The following GORASP1 variants were observed in gnomAD, a reference collection of about 807,000 sequenced individuals.
GORASP1 encodes the protein Golgi reassembly-stacking protein 1.
A neutral mutation model predicts 37.7 loss-of-function variants in GORASP1; 31 were observed. The ratio of observed to expected loss-of-function variants is 0.82; its 90% CI spans 0.62 to 1.11. GORASP1 has a LOEUF of 1.11. Ranked by LOEUF, GORASP1 falls within the 50% of genes least tolerant of loss-of-function variation. GORASP1 has a pLI of 0.00. For missense variants in GORASP1, 476 were observed against 560.7 expected (o/e 0.85, Z 1.53); for synonymous variants, 204 against 224.8 (o/e 0.91, Z 0.83).
At position 39,097,976 on chromosome 3, in the gene GORASP1, C is replaced by T; in HGVS notation, c.*260G>A. On this transcript the variant is annotated 3_prime_UTR_variant, in exon 9 of 9. Coordinates refer to ENST00000319283, the MANE Select transcript of GORASP1 (RefSeq NM_031899.4). Reference sequence around the variant, plus strand: ...ACAGCAACCCCTTCCTTCCTCACCTCATCTTCACACTGGATTATGACCAGA... The same window carrying T: ...ACAGCAACCCCTTCCTTCCTCACCTTATCTTCACACTGGATTATGACCAGA... The T allele has an allele frequency of 1.9e-6, 1 of 516,944 alleles. No homozygotes were observed. The highest frequency in any genetic ancestry group is 3.4e-5 in the East Asian group (1 of 29,524). The allele number at this position is 516,944 out of a possible 1,614,324, so 32.0% of individuals were successfully genotyped here.
In GORASP1 at chr3:39,105,632, A is replaced by G. The variant is rs2125710569; in HGVS notation, c.63+1847T>C. ...CTGAGGGCAGCGACTTCTCCAAAGT[A>G]TTGGGCACGCAGCGAGGTGCCAATA... On this transcript the variant is annotated intron_variant, in intron 1 of 8. Transcript: ENST00000319283. This position sits in a 1 kb window ranked among gnomAD's most constrained non-coding sequence, Gnocchi z 5.4. Among the ~76,000 whole-genome samples the G allele has an allele frequency of 6.6e-6, 1 of 152,320 alleles. No homozygotes were observed. The highest frequency in any genetic ancestry group is 6.5e-5 in the Admixed American group (1 of 15,302).
chr3:39,106,902 T>G, intron 1 of GORASP1: 1 of 303,698 alleles, frequency 3.3e-6, no homozygotes, highest in Non-Finnish European at 6.8e-6. Context: ...TCCTCGAGGA[T>G]TCTGCAGCAC....
chr3:39,107,395 T>C, intron 1 of GORASP1, 84 bp downstream of exon 1: 1 of 928,330 alleles, frequency 1.1e-6, no homozygotes, highest in Non-Finnish European at 1.4e-6. Context: ...CCCGCCGCAG[T>C]CGCCAGCCAG....
rs536814052 is a variant in GORASP1, at chr3:39,101,010, C to T, written c.435+6G>A. On this transcript the variant is annotated splice_donor_region_variant and intron_variant, in intron 4 of 8. Coordinates refer to ENST00000319283, the MANE Select transcript of GORASP1 (RefSeq NM_031899.4). ...TCTGGGGAGGGGCAAATTGCGGGTT[C>T]CTCACCTCCTGGAGAATCTGGTCCG... 3 of 1,614,192 alleles carry T rather than the reference C, an allele frequency of 1.9e-6. No individual in the cohort carries two copies. Among genetic ancestry groups the T allele is most frequent in the East Asian group, 4.5e-5 (2 of 44,888 alleles).
At chr3:39,106,951 T>A (rs1325427975) in intron 1 of GORASP1, 2 of 391,554 alleles carry the variant, frequency 5.1e-6, no homozygotes, top group Non-Finnish European at 1.1e-5. Context: ...CCGTGGCTGG[T>A]TTGCACCGGT....
chr3:39,099,055 C>T, intron 7 of GORASP1, 162 bp from the exon 8 acceptor site: 1 of 927,640 alleles, frequency 1.1e-6, no homozygotes. Context: ...GGTTCCCACA[C>T]TGCCTGTTTC....
In GORASP1 at chr3:39,096,686, T is replaced by C. The variant is rs2035363125; in HGVS notation, c.*1550A>G. 6.6e-6 allele frequency: 1 copy of C among 152,252 alleles called. No individual in the cohort carries two copies. The highest frequency in any genetic ancestry group is 1.5e-5 in the Non-Finnish European group (1 of 68,046). The allele number at this position is 152,252 out of a possible 1,614,324, so 9.4% of individuals were successfully genotyped here. A position where few individuals can be genotyped will look rare whatever the true frequency, so the allele number is the denominator to read the frequency against. ...AATATTTCAAAGTGTAGTACACATT[T>C]ATTTTCATTTGTTATTTTCTTTCAT... is the stretch of plus-strand genomic sequence containing the variant. On this transcript the variant is annotated 3_prime_UTR_variant, in exon 9 of 9. Coordinates refer to ENST00000319283, the MANE Select transcript of GORASP1 (RefSeq NM_031899.4).
Position 39,098,079 on chromosome 3 carries a change from T to C in GORASP1, c.*157A>G, listed in dbSNP as rs1461146367. 5 of 832,608 alleles carry C rather than the reference T, an allele frequency of 6.0e-6. No homozygotes were observed. Among genetic ancestry groups the C allele is most frequent in the African/African-American group, 1.7e-5 (1 of 58,220 alleles). The allele number at this position is 832,608 out of a possible 1,614,324, so 51.6% of individuals were successfully genotyped here. A position where few individuals can be genotyped will look rare whatever the true frequency, so the allele number is the denominator to read the frequency against. ...CCTGAGGGTACACGGCCAAAAGATA[T>C]CCTCCCACAAGGCCCATGGCCCCCT... On this transcript the variant is annotated 3_prime_UTR_variant, in exon 9 of 9. Transcript: ENST00000319283. This position sits in a 1 kb window ranked among gnomAD's most constrained non-coding sequence, Gnocchi z 4.7.
In GORASP1 at chr3:39,098,460, C is replaced by T. The variant is rs745816319; in HGVS notation, c.1099G>A (p.Glu367Lys). 35 of 1,613,998 alleles carry T rather than the reference C, an allele frequency of 2.2e-5. No individual in the cohort carries two copies. The East Asian group carries it at 3.1e-4, about 14-fold the overall frequency. The change falls in exon 9 of 9, where the codon GAG (glutamate) becomes AAG (lysine). Residue 367 changes from glutamate (E) to lysine (K), a missense_variant. Coordinates refer to ENST00000319283, the MANE Select transcript of GORASP1 (RefSeq NM_031899.4). This position sits in a 1 kb window ranked among gnomAD's most constrained non-coding sequence, Gnocchi z 4.7. The stretch of plus-strand genomic sequence containing the variant: ...CCTGGGCTGTCCAGGAAGGAGACCT[C>T]AAACTCTGACCCAGACCATGTAGCC... The part of the protein sequence containing the change: ...GEATWSGSEF[E>K]VSFLDSPGAQ...
intron 3 of GORASP1, 128 bp from the exon 4 acceptor site, chr3:39,101,230 C>T (rs1263300184): frequency 1.3e-6 from 1 of 776,782 alleles, no homozygotes; most frequent in Non-Finnish European, 2.2e-6. Flanking sequence ...AGCAGGGCTT[C>T]AAGCCCATAC....
rs1243216090 is a variant in GORASP1, at chr3:39,107,511, C to T, written c.31G>A (p.Ala11Thr). MGLGVSAEQP[A>T]GGAEGFHLHG... ...AGGTGGAAGCCCTCGGCGCCGCCTG[C>T]GGGCTGCTCAGCGCTGACGCCCAGG... is the stretch of plus-strand genomic sequence containing the variant. The change falls in exon 1 of 9, where the codon GCA becomes ACA. Residue 11 changes from alanine (A) to threonine (T), a missense_variant. By Grantham distance (58) the Ala-to-Thr change is moderately conservative. Transcript: ENST00000319283. 2.7e-6 allele frequency: 4 copies of T among 1,469,024 alleles called. No homozygotes were observed. The highest frequency in any genetic ancestry group is 2.9e-5 in the African/African-American group (2 of 68,064). 91.0% of individuals were successfully genotyped at this position (1,469,024 alleles called of 1,614,324 possible).
At chr3:39,101,999 A>G (rs2035750631) in intron 3 of GORASP1, among the ~76,000 whole-genome samples, 1 of 152,188 alleles carries the variant, frequency 6.6e-6, no homozygotes, top group South Asian at 2.1e-4. Context: ...AAAACAGTAT[A>G]TTTACAGTCA....
Position 39,107,601 on chromosome 3 carries a change from A to G in GORASP1, c.-60T>C, listed in dbSNP as rs6786764. On this transcript the variant is annotated 5_prime_UTR_variant, in exon 1 of 9. Transcript: ENST00000319283. Reference sequence around the variant, plus strand: ...CGCTGCGCCTACCCGGACCGACCCGACGCCAGTAGCACCGACTCGCTCTCT... The same window carrying G: ...CGCTGCGCCTACCCGGACCGACCCGGCGCCAGTAGCACCGACTCGCTCTCT... 0.92 allele frequency: 1,318,054 copies of G among 1,435,116 alleles called. 605,690 individuals carry two copies. The highest frequency in any genetic ancestry group is 1 in the East Asian group (39,883 of 39,970). 88.9% of individuals were successfully genotyped at this position (1,435,116 alleles called of 1,614,324 possible).
At position 39,097,944 on chromosome 3, in the gene GORASP1, A is replaced by G; in HGVS notation, c.*292T>C. 2 of 443,430 alleles carry G rather than the reference A, an allele frequency of 4.5e-6. No homozygotes were observed. 27.5% of individuals were successfully genotyped at this position (443,430 alleles called of 1,614,324 possible). A position where few individuals can be genotyped will look rare whatever the true frequency, so the allele number is the denominator to read the frequency against. On this transcript the variant is annotated 3_prime_UTR_variant, in exon 9 of 9. Transcript: ENST00000319283. ...AGGAAGAATCAAAGCGACCAGGCCA[A>G]CACTGGACAGCAACCCCTTCCTTCC...
chr3:39,098,720 C>G lies in GORASP1; in HGVS notation c.1069+21G>C. 1 of 1,611,318 alleles carries G rather than the reference C, an allele frequency of 6.2e-7. No homozygotes were observed. The highest frequency in any genetic ancestry group is 1.7e-5 in the Admixed American group (1 of 59,806). On this transcript the variant is annotated intron_variant, in intron 8 of 8. Coordinates refer to ENST00000319283, the MANE Select transcript of GORASP1 (RefSeq NM_031899.4). This position sits in a 1 kb window ranked among gnomAD's most constrained non-coding sequence, Gnocchi z 4.7. ...ACCCGGGGTCCTTCCCAGAGGACTT[C>G]GGAAGGTGATGGCCACTCACCACCC...
chr3:39,106,538 C>A (rs1359398121), intron 1 of GORASP1, among the ~76,000 whole-genome samples: 1 of 152,180 alleles, frequency 6.6e-6, no homozygotes, highest in Non-Finnish European at 1.5e-5. Flanking sequence ...TTTTAGCCCT[C>A]TCATGTGGTT....
chr3:39,107,283 C>G (rs2036240065), intron 1 of GORASP1, 196 bp downstream of exon 1: 1 of 506,852 alleles, frequency 2.0e-6, no homozygotes, highest in Admixed American at 3.2e-5. Context: ...CGGCCGCGGA[C>G]TAGCCAGGGT....
intron 7 of GORASP1, 62 bp downstream of exon 7, chr3:39,099,291 C>T: frequency 6.3e-7 from 1 of 1,598,652 alleles, no homozygotes; most frequent in Non-Finnish European, 8.6e-7. Context: ...AAAGTTTTGA[C>T]ATAGCTGCCA....
At position 39,097,755 on chromosome 3, in the gene GORASP1, C is replaced by G. The variant is rs556392766; in HGVS notation, c.*481G>C. On this transcript the variant is annotated 3_prime_UTR_variant, in exon 9 of 9. Transcript: ENST00000319283. ...AGATGGGGGCAAGTACACTGCCTCT[C>G]TCTCCCTCCTGTGACTAGCATGGTG... 1.9e-5 allele frequency: 3 copies of G among 154,764 alleles called. No individual in the cohort carries two copies. Among genetic ancestry groups the G allele is most frequent in the African/African-American group, 7.2e-5 (3 of 41,598 alleles). 9.6% of individuals were successfully genotyped at this position (154,764 alleles called of 1,614,324 possible).
Sources: allele counts gnomAD v4.1 joint callset (sites outside exome capture counted in the v4.1 genomes callset), GRCh38; gene constraint gnomAD v4.1.1; non-coding constraint Gnocchi (gnomAD v3.1); transcripts MANE v1.5; gene names NCBI Gene and HGNC (gene_info 2026-07-23, HGNC 2026-07-21).